Variants in COA5 observed in about 807,000 individuals in gnomAD.
The protein encoded by COA5 is cytochrome c oxidase assembly factor 5.
In COA5, 11 loss-of-function variants were observed where a neutral mutation model predicts 11.8. The ratio of observed to expected loss-of-function variants is 0.93; its 90% CI spans 0.59 to 1.54. The LOEUF (loss-of-function observed/expected upper bound fraction) is 1.54. Among genes scored for constraint, COA5 ranks in the 40% most tolerant of loss-of-function variants. The pLI, the probability that COA5 is intolerant of heterozygous loss-of-function variation, is 0.00. For missense variants in COA5, 87 were observed against 89.2 expected (o/e 0.97, Z 0.10); for synonymous variants, 38 against 37.5 (o/e 1.01, Z -0.05).
Position 98,607,944 on chromosome 2 carries a change from C to G in COA5, c.99+363G>C, listed in dbSNP as rs561934110. On this transcript the variant is annotated intron_variant, in intron 1 of 2. Coordinates refer to ENST00000328709, the MANE Select transcript of COA5 (RefSeq NM_001008215.3). ...AGGGCAGTGTACCAGGTTTACGCAACTCTCTGGAATCATTAATTCTACAGA... is the reference window on the plus strand; with the variant it reads ...AGGGCAGTGTACCAGGTTTACGCAAGTCTCTGGAATCATTAATTCTACAGA... Among the ~76,000 whole-genome samples, 3 of 152,344 alleles carry G rather than the reference C, an allele frequency of 2.0e-5. No individual in the cohort carries two copies. In the East Asian group the frequency reaches 5.8e-4, roughly 29 times the overall value.
chr2:98,601,348 A>G (rs533613844), intron 2 of COA5, among the ~76,000 whole-genome samples: 105 of 152,322 alleles, frequency 6.9e-4, no homozygotes, highest in African/African-American at 2.5e-3. Flanking sequence ...CTCAATATAC[A>G]TTCTTCTTCT....
intron 2 of COA5, among the ~76,000 whole-genome samples, chr2:98,601,365 CTT>C (rs1207774201): frequency 6.6e-6 from 1 of 152,192 alleles, no homozygotes; most frequent in Non-Finnish European, 1.5e-5. Flanking sequence ...TTCTAAAAAA[CTT>C]AACTTTCTAG....
intron 2 of COA5, 121 bp from the exon 3 acceptor site, chr2:98,600,914 G>A (rs1700634283): frequency 8.4e-6 from 6 of 713,950 alleles, no homozygotes; most frequent in Non-Finnish European, 1.5e-5. Flanking sequence ...AATCAAAAAG[G>A]TGATGACATC....
Position 98,608,465 on chromosome 2 carries a change from G to C in COA5, c.-60C>G, listed in dbSNP as rs1344755290. ...CTCCCACCGCAACACTTGCAACCGGGTCGGGAGCGAGCGAGGCCCCAGTCT... is the reference window on the plus strand; with the variant it reads ...CTCCCACCGCAACACTTGCAACCGGCTCGGGAGCGAGCGAGGCCCCAGTCT... On this transcript the variant is annotated 5_prime_UTR_variant, in exon 1 of 3. Transcript: ENST00000328709. 3 of 1,336,476 alleles carry C rather than the reference G, an allele frequency of 2.2e-6. No homozygotes were observed. The highest frequency in any genetic ancestry group is 2.5e-5 in the East Asian group (1 of 40,374). 82.8% of individuals were successfully genotyped at this position (1,336,476 alleles called of 1,614,324 possible). A position where few individuals can be genotyped will look rare whatever the true frequency, so the allele number is the denominator to read the frequency against.
intron 1 of COA5, among the ~76,000 whole-genome samples, chr2:98,606,407 A>C (rs949082871): frequency 6.6e-6 from 1 of 152,226 alleles, no homozygotes; most frequent in African/African-American, 2.4e-5. Flanking sequence ...TTCCATCTAA[A>C]GAACTGCTTA....
chr2:98,607,905 A>T (rs1700731609), intron 1 of COA5, among the ~76,000 whole-genome samples: 2 of 152,238 alleles, frequency 1.3e-5, no homozygotes, highest in South Asian at 4.1e-4. Flanking sequence ...AACAGGCAGG[A>T]GACACTACTG....
At chr2:98,605,038 T>C (rs1700689657) in intron 1 of COA5, among the ~76,000 whole-genome samples, 1 of 152,254 alleles carries the variant, frequency 6.6e-6, no homozygotes, top group Non-Finnish European at 1.5e-5. Context: ...CTGATGCCTC[T>C]TCAAACTGTA....
rs1226676201 is a variant in COA5 at position 98,600,679 on chromosome 2, C to CT, written c.*72dup. 5.2e-5 allele frequency: 68 copies of CT among 1,313,010 alleles called. No individual in the cohort carries two copies. Among genetic ancestry groups the CT allele is most frequent in the Non-Finnish European group, 7.2e-5 (66 of 920,830 alleles). The allele number at this position is 1,313,010 out of a possible 1,614,324, so 81.3% of individuals were successfully genotyped here. A position where few individuals can be genotyped will look rare whatever the true frequency, so the allele number is the denominator to read the frequency against. On this transcript the variant is annotated 3_prime_UTR_variant, in exon 3 of 3. Transcript: ENST00000328709. ...ACAGATGTAGTAAAAAGTATGTTTC[C>CT]TGTTTTGGCTTCTTTGTGTTAATGA...
At chr2:98,600,822 T>G (rs1304922441) in intron 2 of COA5, 29 bp from the exon 3 acceptor site, 1 of 1,445,646 alleles carries the variant, frequency 6.9e-7, no homozygotes, top group Admixed American at 1.7e-5. Context: ...TTAAATCAAA[T>G]TTGGTACAAT....
Position 98,600,429 on chromosome 2 carries a change from G to T in COA5, c.*323C>A. Reference sequence around the variant, plus strand: ...CAAATCAGTGGCCTGTACTAATTGGGTAATTCAATTGAAGAGTCAAGTTTG... The same window carrying T: ...CAAATCAGTGGCCTGTACTAATTGGTTAATTCAATTGAAGAGTCAAGTTTG... On this transcript the variant is annotated 3_prime_UTR_variant, in exon 3 of 3. Transcript: ENST00000328709. 5.2e-6 allele frequency: 2 copies of T among 387,420 alleles called. No individual in the cohort carries two copies. Among genetic ancestry groups the T allele is most frequent in the Non-Finnish European group, 9.7e-6 (2 of 206,376 alleles). 24.0% of individuals were successfully genotyped at this position (387,420 alleles called of 1,614,324 possible).
Position 98,608,123 on chromosome 2 carries a change from A to G in COA5, c.99+184T>C, listed in dbSNP as rs116509552. 4.1e-3 allele frequency: 2,512 copies of G among 613,194 alleles called. 46 individuals are homozygous for G. In the African/African-American group the frequency reaches 0.042, roughly 10 times the overall value. The allele number at this position is 613,194 out of a possible 1,614,324, so 38.0% of individuals were successfully genotyped here. A position where few individuals can be genotyped will look rare whatever the true frequency, so the allele number is the denominator to read the frequency against. On this transcript the variant is annotated intron_variant, in intron 1 of 2. Coordinates refer to ENST00000328709, the MANE Select transcript of COA5 (RefSeq NM_001008215.3). ...GTGCGTTTATCGTTATCTCCGATTTAACCCCACAGGGAACTGGGGCTCCGA... is the reference window on the plus strand; with the variant it reads ...GTGCGTTTATCGTTATCTCCGATTTGACCCCACAGGGAACTGGGGCTCCGA...
At chr2:98,604,014 C>T in intron 2 of COA5, 94 bp downstream of exon 2, 1 of 932,762 alleles carries the variant, frequency 1.1e-6, no homozygotes, top group East Asian at 2.5e-5. Context: ...AACCATATCA[C>T]TGCAACTTAC....
intron 2 of COA5, among the ~76,000 whole-genome samples, chr2:98,603,510 T>C (rs1436331311): frequency 6.6e-6 from 1 of 151,974 alleles, no homozygotes; most frequent in East Asian, 1.9e-4. Flanking sequence ...AAAAAAAACA[T>C]CCTCAAGTCC....
chr2:98,600,522 C>T lies in COA5; in HGVS notation c.*230G>A. On this transcript the variant is annotated 3_prime_UTR_variant, in exon 3 of 3. Coordinates refer to ENST00000328709, the MANE Select transcript of COA5 (RefSeq NM_001008215.3). ...CAAAACACATTTATTATGCTCCCAA[C>T]CCATACCTGTTCAATTAGGTTTTTC... 1 of 565,254 alleles carries T rather than the reference C, an allele frequency of 1.8e-6. No individual in the cohort carries two copies. Among genetic ancestry groups the T allele is most frequent in the South Asian group, 2.0e-5 (1 of 49,348 alleles). The allele number at this position is 565,254 out of a possible 1,614,324, so 35.0% of individuals were successfully genotyped here.
chr2:98,608,032 G>A (rs1405717004), intron 1 of COA5, among the ~76,000 whole-genome samples: 2 of 152,270 alleles, frequency 1.3e-5, no homozygotes, highest in Admixed American at 1.3e-4. Flanking sequence ...AAGCCTAGTA[G>A]AGTGCTAGCA....
In COA5 at chr2:98,608,475, A is replaced by G; in HGVS notation, c.-70T>C. The G allele has an allele frequency of 1.6e-6, 2 of 1,236,946 alleles. No homozygotes were observed. Among genetic ancestry groups the G allele is most frequent in the South Asian group, 2.6e-5 (2 of 78,336 alleles). The allele number at this position is 1,236,946 out of a possible 1,614,324, so 76.6% of individuals were successfully genotyped here. A position where few individuals can be genotyped will look rare whatever the true frequency, so the allele number is the denominator to read the frequency against. On this transcript the variant is annotated 5_prime_UTR_variant, in exon 1 of 3. Transcript: ENST00000328709. ...AACACTTGCAACCGGGTCGGGAGCG[A>G]GCGAGGCCCCAGTCTCAGGGGACCG...
chr2:98,604,307 G>A (rs958845379), intron 1 of COA5, 116 bp from the exon 2 acceptor site: 19 of 820,288 alleles, frequency 2.3e-5, no homozygotes, highest in Admixed American at 4.0e-5. Flanking sequence ...AAAATAGAAA[G>A]TTATGTAGGA....
Position 98,604,166 on chromosome 2 carries a change from A to G in COA5, c.125T>C (p.Leu42Ser). ...CAAAGAGTTGCAGTATCCTTCCTTC[A>G]AACACTGCCGAGGTGATTTTCCTTC... ...VQEGKSPRQCLKEGYCNSLKY... is the reference protein window; with the variant it reads ...VQEGKSPRQCSKEGYCNSLKY... Residue 42 changes from leucine to serine, a missense_variant, in exon 2 of 3, where the codon TTG becomes TCG. Physicochemically the swap from Leu to Ser is moderately radical, Grantham distance 145. Transcript: ENST00000328709. The G allele has an allele frequency of 1.2e-6, 2 of 1,613,834 alleles. No homozygotes were observed. Among genetic ancestry groups the G allele is most frequent in the Non-Finnish European group, 1.7e-6 (2 of 1,179,790 alleles).
chr2:98,604,307 G>T, intron 1 of COA5, 116 bp from the exon 2 acceptor site: 1 of 820,406 alleles, frequency 1.2e-6, no homozygotes, highest in South Asian at 1.5e-5. Flanking sequence ...AAAATAGAAA[G>T]TTATGTAGGA....
Sources: allele counts gnomAD v4.1 joint callset (sites outside exome capture counted in the v4.1 genomes callset), GRCh38; gene constraint gnomAD v4.1.1; transcripts MANE v1.5; gene names NCBI Gene and HGNC (gene_info 2026-07-23, HGNC 2026-07-21).